The following CACNA2D1 variants were observed in gnomAD, a reference collection of about 807,000 sequenced individuals.
CACNA2D1 encodes voltage-dependent calcium channel subunit alpha-2/delta-1.
In CACNA2D1, 53 loss-of-function variants were observed where a neutral mutation model predicts 171.5. That is an observed-to-expected ratio of 0.31 (90% CI 0.25 to 0.39). The LOEUF (loss-of-function observed/expected upper bound fraction) is 0.39, where lower values mean the gene tolerates loss of function less well. Among genes scored for constraint, CACNA2D1 ranks in the 10% least tolerant of loss-of-function variants. The probability of loss-of-function intolerance (pLI) is 1.00; values close to 1 mark genes in which losing one functional copy is unlikely to be tolerated. For synonymous variants in CACNA2D1, 442 were observed against 443.1 expected (o/e 1.00, Z 0.03); for missense variants, 903 against 1,299.8 (o/e 0.69, Z 4.69).
intron 12 of CACNA2D1, among the ~76,000 whole-genome samples, chr7:82,026,323 T>TTATTTTCTGTCTTATTTTTCTTTTG (rs1341376216): frequency 6.6e-6 from 1 of 151,624 alleles, no homozygotes; most frequent in African/African-American, 2.4e-5. Flanking sequence ...TGTCATTTTG[T>TTATTTTCTGTCTTATTTTTCTTTTG]TATTTTCTGT....
intron 6 of CACNA2D1, among the ~76,000 whole-genome samples, chr7:82,101,453 A>G (rs1365201966): frequency 1.3e-5 from 2 of 152,236 alleles, no homozygotes; most frequent in East Asian, 3.8e-4. Flanking sequence ...AGATGGAAGT[A>G]ATAAGACAAA....
intron 3 of CACNA2D1, among the ~76,000 whole-genome samples, chr7:82,229,539 A>G (rs562673817): frequency 6.6e-6 from 1 of 152,154 alleles, no homozygotes; most frequent in East Asian, 1.9e-4. Context: ...AACCAACCAG[A>G]AAATCTAATA....
At chr7:82,338,699 A>G (rs190248042) in intron 2 of CACNA2D1, among the ~76,000 whole-genome samples, 25 of 152,332 alleles carry the variant, frequency 1.6e-4, no homozygotes, top group Admixed American at 1.4e-3. Flanking sequence ...ACCAATGTCT[A>G]GAGCAGCCGA....
Position 81,983,330 on chromosome 7 carries a change from T to A in CACNA2D1, c.1878A>T (p.Lys626Asn). Reference protein sequence around the residue: ...LEETITQARSKKGKMKDSETL... With the variant: ...LEETITQARSNKGKMKDSETL... ...AATACTTGCCCTTCATTTTGCCCTT[T>A]TTTGCTGTGAAAATCCATCAGAAAG... Residue 626 changes from lysine (K) to asparagine (N), a missense_variant, in exon 23 of 39, where the codon AAA (lysine) becomes AAT (asparagine). Transcript: ENST00000356860. 1 of 1,611,562 alleles carries A rather than the reference T, an allele frequency of 6.2e-7. No individual in the cohort carries two copies. The highest frequency in any genetic ancestry group is 1.7e-5 in the Admixed American group (1 of 59,840).
intron 2 of CACNA2D1, among the ~76,000 whole-genome samples, chr7:82,338,683 G>C (rs1024500485): frequency 6.6e-6 from 1 of 152,146 alleles, no homozygotes; most frequent in Non-Finnish European, 1.5e-5. Flanking sequence ...CATCATAAAA[G>C]AGCAAACCAA....
intron 1 of CACNA2D1, among the ~76,000 whole-genome samples, chr7:82,394,055 G>A (rs1193278330): frequency 2.0e-5 from 3 of 152,054 alleles, no homozygotes. Flanking sequence ...AATATGCAAT[G>A]CAAATAAATA....
chr7:82,124,643 T>G (rs1485247604), intron 5 of CACNA2D1, among the ~76,000 whole-genome samples: 2 of 152,198 alleles, frequency 1.3e-5, no homozygotes, highest in Non-Finnish European at 1.5e-5. Flanking sequence ...GAAAATTCTA[T>G]AACTGGAGCT....
chr7:82,077,451 C>T (rs1451864964), intron 7 of CACNA2D1, among the ~76,000 whole-genome samples: 1 of 152,148 alleles, frequency 6.6e-6, no homozygotes, highest in Non-Finnish European at 1.5e-5. Context: ...TAAGGCAGAG[C>T]CCATGCTCAG....
chr7:82,394,586 G>T (rs1328095770), intron 1 of CACNA2D1, among the ~76,000 whole-genome samples: 1 of 152,136 alleles, frequency 6.6e-6, no homozygotes, highest in Non-Finnish European at 1.5e-5. Context: ...ACAGAAAAAT[G>T]AATCATTCCT....
rs1793884144 is a variant in CACNA2D1, at chr7:81,959,796, G to A, written c.3000C>T (p.Asn1000=). 1.2e-6 allele frequency: 2 copies of A among 1,612,530 alleles called. No homozygotes were observed. Among genetic ancestry groups the A allele is most frequent in the Non-Finnish European group, 1.7e-6 (2 of 1,179,082 alleles). Residue 1000 remains asparagine (N), a synonymous_variant, in exon 37 of 39, where the codon AAC becomes AAT. Coordinates refer to ENST00000356860, the MANE Select transcript of CACNA2D1 (RefSeq NM_000722.4). ...IFHGEKLMNT[N]LIFIMVESKG... Reference sequence around the variant, plus strand: ...TGCTCTCAACCATTATGAATATTAAGTTGGTGTTCATAAGCTTTTCTCCAT... The same window carrying A: ...TGCTCTCAACCATTATGAATATTAAATTGGTGTTCATAAGCTTTTCTCCAT...
In CACNA2D1 at chr7:82,164,886, T is replaced by C. The variant is rs538717462; in HGVS notation, c.354+5664A>G. On this transcript the variant is annotated intron_variant, in intron 4 of 38. Transcript: ENST00000356860. The stretch of plus-strand genomic sequence containing the variant: ...CCCATTTTAATGCAAATAAGCAGTA[T>C]ACAACAATTTTAATAAAATGTAGCT... Among the ~76,000 whole-genome samples the C allele has an allele frequency of 1.5e-4, 23 of 152,118 alleles. No individual in the cohort carries two copies. In the South Asian group the frequency reaches 1.7e-3, roughly 11 times the overall value.
At chr7:81,997,068 A>T (rs1798117433) in intron 19 of CACNA2D1, 111 bp downstream of exon 19, 5 of 766,220 alleles carry the variant, frequency 6.5e-6, no homozygotes, top group Non-Finnish European at 9.6e-6. Context: ...TTGTGTATAC[A>T]GTATCAAACA....
chr7:82,438,210 T>G (rs975357507), intron 1 of CACNA2D1, among the ~76,000 whole-genome samples: 1 of 152,198 alleles, frequency 6.6e-6, no homozygotes, highest in Non-Finnish European at 1.5e-5. Flanking sequence ...CTGAAAACAG[T>G]TGTGGACTGA....
At chr7:82,054,091 T>C (rs760746309) in intron 10 of CACNA2D1, among the ~76,000 whole-genome samples, 4 of 152,214 alleles carry the variant, frequency 2.6e-5, no homozygotes, top group Non-Finnish European at 5.9e-5. Context: ...CAATGGCCTT[T>C]AAAACTGGCA....
At chr7:81,987,623 G>GT (rs71734394) in intron 21 of CACNA2D1, among the ~76,000 whole-genome samples, 6,006 of 152,222 alleles carry the variant, frequency 0.039, 368 homozygotes, top group African/African-American at 0.13. Context: ...AACATATCAT[G>GT]TTTTTTCCTT....
intron 12 of CACNA2D1, among the ~76,000 whole-genome samples, chr7:82,016,854 G>A (rs946069800): frequency 3.3e-5 from 5 of 151,874 alleles, no homozygotes; most frequent in African/African-American, 1.2e-4. Context: ...AATGTAAGCT[G>A]CATTAACTAA....
At chr7:82,209,820 G>T (rs910076457) in intron 3 of CACNA2D1, among the ~76,000 whole-genome samples, 2 of 152,042 alleles carry the variant, frequency 1.3e-5, no homozygotes, top group Non-Finnish European at 2.9e-5. Flanking sequence ...AATAAATCTT[G>T]CCTCTTTGTT....
chr7:82,097,777 T>C (rs1313399885), intron 6 of CACNA2D1, among the ~76,000 whole-genome samples: 4 of 152,142 alleles, frequency 2.6e-5, no homozygotes, highest in African/African-American at 7.2e-5. Flanking sequence ...ACTAAAATTA[T>C]CACTAAAATG....
intron 3 of CACNA2D1, among the ~76,000 whole-genome samples, chr7:82,188,373 T>G (rs1234415211): frequency 6.6e-6 from 1 of 152,072 alleles, no homozygotes; most frequent in Admixed American, 6.6e-5. Context: ...TTAAGCAAAA[T>G]AATAAAGTAG....
Sources: allele counts gnomAD v4.1 joint callset (sites outside exome capture counted in the v4.1 genomes callset), GRCh38; gene constraint gnomAD v4.1.1; transcripts MANE v1.5; gene names NCBI Gene and HGNC (gene_info 2026-07-23, HGNC 2026-07-21).